The following CLDN14 variants were observed in gnomAD, a reference collection of about 807,000 sequenced individuals.
CLDN14 encodes claudin-14.
Under a neutral mutation model 2.1 loss-of-function variants are expected in CLDN14, and 2 were observed. The observed-to-expected ratio is 0.96, with a 90% CI of 0.39 to 3.01. The LOEUF (loss-of-function observed/expected upper bound fraction) is 3.01, where lower values mean the gene tolerates loss of function less well. Among genes scored for constraint, CLDN14 ranks in the 30% most tolerant of loss-of-function variants. The pLI is 0.09. For synonymous variants in CLDN14, 136 were observed against 154.4 expected, an observed-to-expected ratio of 0.88 and a Z score of 0.88; for missense variants, 298 against 328.0, an observed-to-expected ratio of 0.91 and a Z score of 0.71.
chr21:36,468,066 C>T (rs1157686759), intron 1 of CLDN14, among the ~76,000 whole-genome samples: 3 of 152,224 alleles, frequency 2.0e-5, no homozygotes, highest in Non-Finnish European at 4.4e-5. Context: ...CTCAAATGCT[C>T]TGACATGATG....
intron 1 of CLDN14, among the ~76,000 whole-genome samples, chr21:36,529,203 C>T (rs1199182113): frequency 6.6e-6 from 1 of 152,162 alleles, no homozygotes; most frequent in Non-Finnish European, 1.5e-5. Context: ...CAACTTATAT[C>T]TAATGGTAGT....
intron 1 of CLDN14, among the ~76,000 whole-genome samples, chr21:36,517,968 T>C (rs1457064017): frequency 2.6e-5 from 4 of 152,144 alleles, no homozygotes; most frequent in African/African-American, 9.7e-5. Flanking sequence ...ATTGCAACTC[T>C]TCCCTGAGCC....
intron 1 of CLDN14, among the ~76,000 whole-genome samples, chr21:36,517,029 G>A (rs1298076953): frequency 6.6e-6 from 1 of 151,722 alleles, no homozygotes; most frequent in African/African-American, 2.4e-5. Flanking sequence ...TAGTAGAGAC[G>A]GGGTTTCGCC....
chr21:36,536,807 A>G (rs1254882326), intron 1 of CLDN14, among the ~76,000 whole-genome samples: 2 of 152,242 alleles, frequency 1.3e-5, no homozygotes, highest in African/African-American at 4.8e-5. Flanking sequence ...TAAGATGTCA[A>G]TAAACCTGCA....
chr21:36,503,774 G>T (rs1179034878), intron 2 of CLDN14, among the ~76,000 whole-genome samples: 1 of 152,028 alleles, frequency 6.6e-6, no homozygotes, highest in Non-Finnish European at 1.5e-5. Context: ...TCTACATTAT[G>T]CATTACAATA....
At chr21:36,524,665 A>T (rs1017956163) in intron 1 of CLDN14, among the ~76,000 whole-genome samples, 7 of 152,172 alleles carry the variant, frequency 4.6e-5, no homozygotes, top group Non-Finnish European at 1.0e-4. Flanking sequence ...ACCTGGGCCC[A>T]GTAGAGCAAG....
chr21:36,567,772 T>A (rs1420264851), intron 1 of CLDN14, among the ~76,000 whole-genome samples: 1 of 152,172 alleles, frequency 6.6e-6, no homozygotes, highest in Non-Finnish European at 1.5e-5. Context: ...AAAATTACCC[T>A]GGCCATTTAG....
At chr21:36,526,322 C>G (rs1007300638) in intron 1 of CLDN14, 1 of 152,212 alleles carries the variant, frequency 6.6e-6, no homozygotes, top group South Asian at 2.1e-4. Context: ...GGCAGCAGGG[C>G]AGGTTTGGCC....
intron 1 of CLDN14, among the ~76,000 whole-genome samples, chr21:36,533,702 G>C (rs910677527): frequency 6.6e-6 from 1 of 152,160 alleles, no homozygotes; most frequent in Non-Finnish European, 1.5e-5. Flanking sequence ...AACGTGGGTG[G>C]AGCTGGAGGC....
At chr21:36,485,314 T>C (rs2086884102) in intron 2 of CLDN14, among the ~76,000 whole-genome samples, 2 of 151,808 alleles carry the variant, frequency 1.3e-5, no homozygotes, top group Non-Finnish European at 2.9e-5. Context: ...GTTCAAGCGA[T>C]TCTCTTGCCT....
intron 1 of CLDN14, among the ~76,000 whole-genome samples, chr21:36,562,404 G>A (rs563699471): frequency 7.0e-4 from 106 of 152,284 alleles, no homozygotes; most frequent in African/African-American, 2.2e-3. Context: ...CATCCACTTT[G>A]TAATTCTGCA....
At chr21:36,533,964 G>A (rs553004874) in intron 1 of CLDN14, among the ~76,000 whole-genome samples, 1 of 152,238 alleles carries the variant, frequency 6.6e-6, no homozygotes, top group South Asian at 2.1e-4. Flanking sequence ...CTATATAACC[G>A]ACCTGCACAT....
At chr21:36,526,706 C>T (rs1442282999) in intron 1 of CLDN14, among the ~76,000 whole-genome samples, 1 of 152,230 alleles carries the variant, frequency 6.6e-6, no homozygotes, top group Non-Finnish European at 1.5e-5. Context: ...ACCACGGGCA[C>T]TTCACACTCC....
chr21:36,519,369 G>T (rs1005202556), intron 1 of CLDN14, among the ~76,000 whole-genome samples: 3 of 152,168 alleles, frequency 2.0e-5, no homozygotes, highest in African/African-American at 7.2e-5. Flanking sequence ...ATCGCTTGAG[G>T]TTAGGAGACC....
At chr21:36,547,903 T>G (rs1295941015) in intron 1 of CLDN14, among the ~76,000 whole-genome samples, 1 of 152,228 alleles carries the variant, frequency 6.6e-6, no homozygotes, top group Admixed American at 6.5e-5. Flanking sequence ...GCAAACCCCT[T>G]GCTTCTTTTG....
chr21:36,523,839 GAA>G (rs2087299303), intron 1 of CLDN14, among the ~76,000 whole-genome samples: 1 of 147,226 alleles, frequency 6.8e-6, no homozygotes, highest in East Asian at 2.0e-4. Flanking sequence ...AAGAAAGAAA[GAA>G]AGTGGATTCG....
At position 36,460,733 on chromosome 21, in the gene CLDN14, A is replaced by T. The variant is rs1332478821; in HGVS notation, c.*243T>A. ...TTGTTATCAAATCACCCACATAAATATATATAATAAATACAAAAACAGACA... is the reference window on the plus strand; with the variant it reads ...TTGTTATCAAATCACCCACATAAATTTATATAATAAATACAAAAACAGACA... On this transcript the variant is annotated 3_prime_UTR_variant, in exon 2 of 2. Transcript: ENST00000399135. The surrounding 1 kb of genome is among the most constrained non-coding windows in gnomAD (Gnocchi z 4.0). 2.0e-6 allele frequency: 1 copy of T among 505,604 alleles called. No individual in the cohort carries two copies. Among genetic ancestry groups the T allele is most frequent in the South Asian group, 2.6e-5 (1 of 38,222 alleles). The allele number at this position is 505,604 out of a possible 1,614,324, so 31.3% of individuals were successfully genotyped here. A position where few individuals can be genotyped will look rare whatever the true frequency, so the allele number is the denominator to read the frequency against.
chr21:36,471,381 A>G (rs556185364), intron 1 of CLDN14, among the ~76,000 whole-genome samples: 80 of 152,356 alleles, frequency 5.3e-4, no homozygotes, highest in African/African-American at 1.8e-3. Context: ...TAAGCCATAT[A>G]GTAATCAAAT....
rs562040321 is a variant in CLDN14 at position 36,509,634 on chromosome 21, G to A, written c.-82+729C>T. The stretch of plus-strand genomic sequence containing the variant: ...TATTTTTGAGACTGGGTCTCACTCT[G>A]TCACAGGCTGGAGTGCAGTGGCGCA... On this transcript the variant is annotated intron_variant, in intron 2 of 2. Transcript: ENST00000342108. Among the ~76,000 whole-genome samples, 126 of 152,150 alleles carry A rather than the reference G, an allele frequency of 8.3e-4. 1 individual carries two copies. The highest frequency in any genetic ancestry group is 3.0e-3 in the African/African-American group (124 of 41,520).
Sources: allele counts gnomAD v4.1 joint callset (sites outside exome capture counted in the v4.1 genomes callset), GRCh38; gene constraint gnomAD v4.1.1; non-coding constraint Gnocchi (gnomAD v3.1); transcripts MANE v1.5; gene names NCBI Gene and HGNC (gene_info 2026-07-23, HGNC 2026-07-21).